GGCX: variants seen among roughly 807,000 people sequenced by gnomAD.
GGCX encodes vitamin K-dependent gamma-carboxylase.
GGCX carries 63 observed loss-of-function variants against 88.5 expected under a neutral mutation model. The observed-to-expected ratio is 0.71, with a 90% CI of 0.58 to 0.88. The LOEUF is 0.88. Among genes scored for constraint, GGCX ranks in the 40% least tolerant of loss-of-function variants. GGCX has a pLI of 0.00. For synonymous variants in GGCX, 368 were observed against 365.8 expected (o/e 1.01, Z -0.07); for missense variants, 805 against 932.9 (o/e 0.86, Z 1.79).
rs772325888 is a variant in GGCX, at chr2:85,545,281, CTG to C, written c.*4651_*4652del. Reference sequence around the variant, plus strand: ...AATAAAATGCTAGGTTCTACCTTAACTGTGTCTGTTACTCATTTGTTAAAGTG... The same window carrying C: ...AATAAAATGCTAGGTTCTACCTTAACTGTCTGTTACTCATTTGTTAAAGTG... On this transcript the variant is annotated 3_prime_UTR_variant, in exon 15 of 15. Transcript: ENST00000233838. The C allele has an allele frequency of 3.9e-5, 6 of 152,724 alleles. No individual in the cohort carries two copies. The East Asian group carries it at 5.8e-4, about 15-fold the overall frequency. The allele number at this position is 152,724 out of a possible 1,614,324, so 9.5% of individuals were successfully genotyped here.
At chr2:85,555,895 T>C (rs1424905150) in intron 5 of GGCX, among the ~76,000 whole-genome samples, 1 of 152,210 alleles carries the variant, frequency 6.6e-6, no homozygotes, top group Admixed American at 6.5e-5. Flanking sequence ...TCAGCGACAG[T>C]ATCAGGCACC....
intron 14 of GGCX, 89 bp downstream of exon 14, chr2:85,550,466 A>G: frequency 2.1e-6 from 2 of 935,546 alleles, no homozygotes; most frequent in East Asian, 2.4e-5. Context: ...CCTTTCCTGT[A>G]TGACAGTCTC....
Position 85,552,079 on chromosome 2 carries a change from TAGA to T in GGCX, c.1440-101_1440-99del, listed in dbSNP as rs75604698. On this transcript the variant is annotated intron_variant, in intron 10 of 14. Coordinates refer to ENST00000233838, the MANE Select transcript of GGCX (RefSeq NM_000821.7). Reference sequence around the variant, plus strand: ...CATCATCATTCCTAAGGACAGGGAATAGAAGAAGAAATGGCCTGTGTCAGCATG... The same window carrying T: ...CATCATCATTCCTAAGGACAGGGAATAGAAGAAATGGCCTGTGTCAGCATG... 73,470 of 943,062 alleles carry T rather than the reference TAGA, an allele frequency of 0.078. 5,311 individuals are homozygous for T. The highest frequency in any genetic ancestry group is 0.29 in the East Asian group (11,669 of 40,062). The allele number at this position is 943,062 out of a possible 1,614,324, so 58.4% of individuals were successfully genotyped here.
intron 14 of GGCX, among the ~76,000 whole-genome samples, 158 bp from the exon 15 acceptor site, chr2:85,550,284 C>T: frequency 6.6e-6 from 1 of 152,170 alleles, no homozygotes; most frequent in East Asian, 1.9e-4. Context: ...TGGAAGGGTA[C>T]ACCACTCTTT....
chr2:85,550,740 A>T lies in GGCX; in HGVS notation c.1899T>A (p.Pro633=). ...EKVENGSETG[P]LPPELQPLLE... ...ACAGAGGCTGCAGCTCTGGGGGTAGAGGCCCTGTTTCTGCCCGGAAGACAG... is the reference window on the plus strand; with the variant it reads ...ACAGAGGCTGCAGCTCTGGGGGTAGTGGCCCTGTTTCTGCCCGGAAGACAG... Residue 633 remains proline (P), a synonymous_variant, in exon 14 of 15, where the codon CCT becomes CCA. Transcript: ENST00000233838. 1 of 1,613,906 alleles carries T rather than the reference A, an allele frequency of 6.2e-7. No individual in the cohort carries two copies.
At chr2:85,558,090 A>G (rs1362147367) in intron 4 of GGCX, among the ~76,000 whole-genome samples, 1 of 152,194 alleles carries the variant, frequency 6.6e-6, no homozygotes, top group Non-Finnish European at 1.5e-5. Context: ...TCACACAGAG[A>G]AAGTCTGCTC....
At chr2:85,556,309 A>G (rs747923026) in intron 4 of GGCX, 49 bp from the exon 5 acceptor site, 5 of 1,088,402 alleles carry the variant, frequency 4.6e-6, no homozygotes, top group Non-Finnish European at 7.1e-6. Context: ...TAATGCAGCT[A>G]CATCTCCATC....
At position 85,554,272 on chromosome 2, in the gene GGCX, C is replaced by T. The variant is rs1692107850; in HGVS notation, c.760G>A (p.Val254Ile). ...LLSEELTSLLVVHWGGLLLDL... is the reference protein window; with the variant it reads ...LLSEELTSLLIVHWGGLLLDL... ...AGCAGCAGCCCACCCCAGTGCACGA[C>T]CAGCAGGCTAGTCAGCTCCTCAGAC... Residue 254 changes from valine to isoleucine, a missense_variant, in exon 7 of 15, where the codon GTC becomes ATC. Transcript: ENST00000233838. The T allele has an allele frequency of 3.7e-6, 6 of 1,614,100 alleles. No individual in the cohort carries two copies. The East Asian group carries it at 1.3e-4, about 36-fold the overall frequency.
chr2:85,550,268 C>T, intron 14 of GGCX, 142 bp from the exon 15 acceptor site: 1 of 714,914 alleles, frequency 1.4e-6, no homozygotes, highest in Non-Finnish European at 2.5e-6. Context: ...CCCTCCATCT[C>T]CCAGCTGGAA....
chr2:85,555,083 G>T, intron 6 of GGCX: 1 of 175,378 alleles, frequency 5.7e-6, no homozygotes, highest in Non-Finnish European at 1.2e-5. Context: ...TGATAATAAT[G>T]GTTTTGTCAG....
rs1332821220 is a variant in GGCX at position 85,545,144 on chromosome 2, CA to C, written c.*4789del. 2 of 152,596 alleles carry C rather than the reference CA, an allele frequency of 1.3e-5. No homozygotes were observed. The highest frequency in any genetic ancestry group is 1.3e-4 in the Admixed American group (2 of 15,280). The allele number at this position is 152,596 out of a possible 1,614,324, so 9.5% of individuals were successfully genotyped here. A position where few individuals can be genotyped will look rare whatever the true frequency, so the allele number is the denominator to read the frequency against. Reference sequence around the variant, plus strand: ...TGGTACAGAGAAGCCAGCTTGTTTACATGCTTATTCCATGACTGCTTGCCCT... The same window carrying C: ...TGGTACAGAGAAGCCAGCTTGTTTACTGCTTATTCCATGACTGCTTGCCCT... On this transcript the variant is annotated 3_prime_UTR_variant, in exon 15 of 15. Coordinates refer to ENST00000233838, the MANE Select transcript of GGCX (RefSeq NM_000821.7).
At chr2:85,552,776 T>A in intron 9 of GGCX, 163 bp downstream of exon 9, 1 of 881,430 alleles carries the variant, frequency 1.1e-6, no homozygotes, top group Non-Finnish European at 1.9e-6. Context: ...ATGAATGCAT[T>A]GCCCTATCTC....
Position 85,548,709 on chromosome 2 carries a change from C to T in GGCX, c.*1225G>A, listed in dbSNP as rs180851651. ...GGATCCTTTTTCATAACCCTGCATT[C>T]TCGCTTCCTAGCTCAGTGCCAACCC... On this transcript the variant is annotated 3_prime_UTR_variant, in exon 15 of 15. Coordinates refer to ENST00000233838, the MANE Select transcript of GGCX (RefSeq NM_000821.7). 1 of 152,330 alleles carries T rather than the reference C, an allele frequency of 6.6e-6. No individual in the cohort carries two copies. The highest frequency in any genetic ancestry group is 1.9e-4 in the East Asian group (1 of 5,190). The allele number at this position is 152,330 out of a possible 1,614,324, so 9.4% of individuals were successfully genotyped here.
At position 85,550,092 on chromosome 2, in the gene GGCX, T is replaced by C. The variant is rs755087978; in HGVS notation, c.2119A>G (p.Ile707Val). The C allele has an allele frequency of 6.8e-6, 11 of 1,613,668 alleles. No individual in the cohort carries two copies. Among genetic ancestry groups the C allele is most frequent in the Admixed American group, 1.7e-5 (1 of 59,976 alleles). The stretch of plus-strand genomic sequence containing the variant: ...TGCTCCAGGGAAGGACGGCCTAATA[T>C]CAGATTTCGAAGTGAGATACAAGTC... ...LMTCISLRNL[I>V]LGRPSLEQLA... The change falls in exon 15 of 15, where the codon ATA becomes GTA. Residue 707 changes from isoleucine to valine, a missense_variant. Transcript: ENST00000233838.
In GGCX at chr2:85,555,597, A is replaced by G. The variant is rs1200419399; in HGVS notation, c.619-7T>C. ...TGAAGTACACAATGAAGATCTGAAAATAAAATGTGACACAAAGTTCAAGCA... is the reference window on the plus strand; with the variant it reads ...TGAAGTACACAATGAAGATCTGAAAGTAAAATGTGACACAAAGTTCAAGCA... On this transcript the variant is annotated splice_polypyrimidine_tract_variant and splice_region_variant and intron_variant, in intron 5 of 14. Coordinates refer to ENST00000233838, the MANE Select transcript of GGCX (RefSeq NM_000821.7). 17 of 1,454,224 alleles carry G rather than the reference A, an allele frequency of 1.2e-5. No individual in the cohort carries two copies. Among genetic ancestry groups the G allele is most frequent in the Admixed American group, 1.7e-5 (1 of 59,826 alleles). The allele number at this position is 1,454,224 out of a possible 1,614,324, so 90.1% of individuals were successfully genotyped here.
rs1691927021 is a variant in GGCX, at chr2:85,551,066, C to G, written c.1747G>C (p.Ala583Pro). The change falls in exon 13 of 15, where the codon GCT becomes CCT. Residue 583 changes from alanine (A) to proline (P), a missense_variant. Transcript: ENST00000233838. ...GTATACACCTTATGGTACTCACCAG[C>G]AGGCAACTGACAAGGGAGAAGAAAT... ...LREGEKMQLP[A>P]GEYHKVYTTS... 4 of 1,613,954 alleles carry G rather than the reference C, an allele frequency of 2.5e-6. No homozygotes were observed. In the East Asian group the frequency reaches 6.7e-5, roughly 27 times the overall value.
rs1302065072 is a variant in GGCX at position 85,545,287 on chromosome 2, C to CT, written c.*4646dup. 1 of 152,634 alleles carries CT rather than the reference C, an allele frequency of 6.6e-6. No homozygotes were observed. Among genetic ancestry groups the CT allele is most frequent in the Non-Finnish European group, 1.5e-5 (1 of 68,044 alleles). 9.5% of individuals were successfully genotyped at this position (152,634 alleles called of 1,614,324 possible). ...ATGCTAGGTTCTACCTTAACTGTGTCTGTTACTCATTTGTTAAAGTGCTTT... is the reference window on the plus strand; with the variant it reads ...ATGCTAGGTTCTACCTTAACTGTGTCTTGTTACTCATTTGTTAAAGTGCTTT... On this transcript the variant is annotated 3_prime_UTR_variant, in exon 15 of 15. Transcript: ENST00000233838.
Position 85,551,376 on chromosome 2 carries a change from C to A in GGCX, c.1740+104G>T, listed in dbSNP as rs1026427051. 1.3e-5 allele frequency: 15 copies of A among 1,152,308 alleles called. No homozygotes were observed. The Middle Eastern group carries it at 1.6e-3, about 123-fold the overall frequency. 71.4% of individuals were successfully genotyped at this position (1,152,308 alleles called of 1,614,324 possible). A position where few individuals can be genotyped will look rare whatever the true frequency, so the allele number is the denominator to read the frequency against. On this transcript the variant is annotated intron_variant, in intron 12 of 14. Transcript: ENST00000233838. ...GGTCTCACTCTGTTGCTCAGGCTCA[C>A]TGTGAATTCCTGGCTTCCCACCTCA...
chr2:85,560,584 C>T (rs1692395539), intron 2 of GGCX, among the ~76,000 whole-genome samples: 1 of 149,924 alleles, frequency 6.7e-6, no homozygotes, highest in Non-Finnish European at 1.5e-5. Context: ...GCTTGGGCAA[C>T]AAGAGCGAAA....
Sources: allele counts gnomAD v4.1 joint callset (sites outside exome capture counted in the v4.1 genomes callset), GRCh38; gene constraint gnomAD v4.1.1; transcripts MANE v1.5; gene names NCBI Gene and HGNC (gene_info 2026-07-23, HGNC 2026-07-21).